The following R3HDM1 variants were observed in gnomAD, a reference collection of about 807,000 sequenced individuals.
R3HDM1 encodes R3H domain-containing protein 1.
R3HDM1 carries 46 observed loss-of-function variants against 141.1 expected under a neutral mutation model. The ratio of observed to expected loss-of-function variants is 0.33; its 90% CI spans 0.26 to 0.42. The LOEUF (loss-of-function observed/expected upper bound fraction) is 0.42. R3HDM1 is among the 10% of genes least tolerant of loss of function. The pLI is 1.00. For synonymous variants in R3HDM1, 435 were observed against 472.9 expected, an observed-to-expected ratio of 0.92 and a Z score of 1.04; for missense variants, 1,184 against 1,368.3, an observed-to-expected ratio of 0.87 and a Z score of 2.12.
intron 19 of R3HDM1, among the ~76,000 whole-genome samples, chr2:135,674,566 A>G (rs558196733): frequency 5.9e-5 from 9 of 152,356 alleles, no homozygotes; most frequent in African/African-American, 2.2e-4. Context: ...CTCTACTTAG[A>G]GCTTATCATT....
chr2:135,703,499 G>C (rs1325038178), intron 21 of R3HDM1, among the ~76,000 whole-genome samples: 1 of 151,926 alleles, frequency 6.6e-6, no homozygotes, highest in South Asian at 2.1e-4. Context: ...ATAATCCCTG[G>C]GCTCACCATT....
chr2:135,573,231 G>A (rs1035656212), intron 1 of R3HDM1, among the ~76,000 whole-genome samples: 1 of 152,146 alleles, frequency 6.6e-6, no homozygotes, highest in Non-Finnish European at 1.5e-5. Context: ...AGTGGTCATC[G>A]ATCTACTGCC....
chr2:135,675,207 A>T, intron 19 of R3HDM1, 125 bp from the exon 20 acceptor site: 1 of 947,316 alleles, frequency 1.1e-6, no homozygotes, highest in Non-Finnish European at 1.5e-6. Flanking sequence ...AGATGGTTTT[A>T]GGGGCTTACC....
chr2:135,585,080 G>T (rs1385638438), intron 1 of R3HDM1, among the ~76,000 whole-genome samples: 1 of 152,188 alleles, frequency 6.6e-6, no homozygotes, highest in Non-Finnish European at 1.5e-5. Flanking sequence ...TGCAGTAAAA[G>T]ATTGTACACT....
At chr2:135,659,162 A>G (rs2066341088) in intron 18 of R3HDM1, among the ~76,000 whole-genome samples, 2 of 151,358 alleles carry the variant, frequency 1.3e-5, no homozygotes, top group African/African-American at 4.9e-5. Context: ...CAATGGCACG[A>G]TCTTGGCTCA....
intron 23 of R3HDM1, among the ~76,000 whole-genome samples, chr2:135,710,802 G>A (rs771762645): frequency 2.0e-5 from 3 of 152,208 alleles, no homozygotes; most frequent in Non-Finnish European, 4.4e-5. Context: ...TTTCCCATAT[G>A]ACTATATATT....
chr2:135,549,929 C>T (rs1424488780), intron 1 of R3HDM1: 1 of 916,258 alleles, frequency 1.1e-6, no homozygotes, highest in East Asian at 1.2e-4. Flanking sequence ...TATGTATTTC[C>T]CTTGACACAA....
Position 135,564,359 on chromosome 2 carries a change from G to T in R3HDM1, c.-250+32726G>T, listed in dbSNP as rs113785793. ...GTTTTTAAGACAGTCTCACTCTGTT[G>T]CCCAGGCGGGAGTGCAGTGGCACCA... On this transcript the variant is annotated intron_variant, in intron 1 of 26. Coordinates refer to ENST00000683871, the MANE Select transcript of R3HDM1 (RefSeq NM_001378107.1). Among the ~76,000 whole-genome samples the T allele has an allele frequency of 1.7e-4, 26 of 152,248 alleles. No individual in the cohort carries two copies. The East Asian group carries it at 2.3e-3, about 14-fold the overall frequency.
chr2:135,536,841 G>T (rs1356688275), intron 1 of R3HDM1: 13 of 454,054 alleles, frequency 2.9e-5, no homozygotes, highest in Non-Finnish European at 3.8e-5. Flanking sequence ...ATCAGCGGTG[G>T]CATTAGATTC....
At chr2:135,659,558 C>T (rs1268083479) in intron 18 of R3HDM1, among the ~76,000 whole-genome samples, 1 of 152,004 alleles carries the variant, frequency 6.6e-6, no homozygotes, top group East Asian at 1.9e-4. Context: ...AATCTCAGCC[C>T]CTGAGTATAC....
intron 2 of R3HDM1, 73 bp downstream of exon 2, chr2:135,602,781 T>G: frequency 7.7e-7 from 1 of 1,298,106 alleles, no homozygotes; most frequent in South Asian, 1.8e-5. Flanking sequence ...AAGAAGCCAG[T>G]GTCTTAAGTA....
At chr2:135,637,442 G>T (rs972441901) in intron 11 of R3HDM1, among the ~76,000 whole-genome samples, 2 of 152,102 alleles carry the variant, frequency 1.3e-5, no homozygotes, top group Non-Finnish European at 2.9e-5. Flanking sequence ...GATCACTTGA[G>T]CTCAGGAGTT....
In R3HDM1 at chr2:135,645,370, ATTT is replaced by A. The variant is rs751881183; in HGVS notation, c.1475-6_1475-4del. ...AAGTTATTTTTTTCCCTCTTTTTGAATTTTTCAGGTCAGCCCTTCATAAACCCA... is the reference window on the plus strand; with the variant it reads ...AAGTTATTTTTTTCCCTCTTTTTGAATTCAGGTCAGCCCTTCATAAACCCA... On this transcript the variant is annotated splice_region_variant and splice_polypyrimidine_tract_variant and intron_variant, in intron 15 of 26. Transcript: ENST00000683871. The A allele has an allele frequency of 6.4e-7, 1 of 1,574,456 alleles. No homozygotes were observed. The highest frequency in any genetic ancestry group is 8.6e-7 in the Non-Finnish European group (1 of 1,156,802).
chr2:135,663,720 A>G (rs2067065782), intron 19 of R3HDM1, among the ~76,000 whole-genome samples: 1 of 152,176 alleles, frequency 6.6e-6, no homozygotes, highest in Non-Finnish European at 1.5e-5. Context: ...GCTCATCATT[A>G]ATTTTTATGT....
chr2:135,575,083 CT>C (rs1705084745), intron 1 of R3HDM1, among the ~76,000 whole-genome samples: 1 of 152,194 alleles, frequency 6.6e-6, no homozygotes, highest in African/African-American at 2.4e-5. Flanking sequence ...AAATTCAAAA[CT>C]TTTTAAGCAG....
At chr2:135,648,537 G>C (rs1211869783) in intron 16 of R3HDM1, among the ~76,000 whole-genome samples, 1 of 152,122 alleles carries the variant, frequency 6.6e-6, no homozygotes, top group Non-Finnish European at 1.5e-5. Flanking sequence ...TTAACTAAGA[G>C]TTTTCATCAA....
Position 135,621,633 on chromosome 2 carries a change from T to A in R3HDM1, c.418+25T>A, listed in dbSNP as rs200880645. The A allele has an allele frequency of 6.6e-3, 9,188 of 1,392,254 alleles. 83 individuals carry two copies. The highest frequency in any genetic ancestry group is 0.032 in the South Asian group (2,041 of 63,044). 86.2% of individuals were successfully genotyped at this position (1,392,254 alleles called of 1,614,324 possible). A position where few individuals can be genotyped will look rare whatever the true frequency, so the allele number is the denominator to read the frequency against. ...GGTTTGCAGTTCTTTTGTTTTTTTT[T>A]AAAAAAAAATTTTGCTATCAGTAAT... is the stretch of plus-strand genomic sequence containing the variant. On this transcript the variant is annotated intron_variant, in intron 6 of 26. Transcript: ENST00000683871.
At position 135,653,286 on chromosome 2, in the gene R3HDM1, A is replaced by G. The variant is rs1471682754; in HGVS notation, c.2028+1254A>G. Among the ~76,000 whole-genome samples the G allele has an allele frequency of 6.6e-5, 10 of 152,080 alleles. 1 individual carries two copies. Among genetic ancestry groups the G allele is most frequent in the Non-Finnish European group, 7.4e-5 (5 of 68,014 alleles). On this transcript the variant is annotated intron_variant, in intron 18 of 26. Coordinates refer to ENST00000683871, the MANE Select transcript of R3HDM1 (RefSeq NM_001378107.1). ...CAGGAGAATCACTTGAACCTGGCACATGCAGCTTGCAGTGAGCTGAGATTG... is the reference window on the plus strand; with the variant it reads ...CAGGAGAATCACTTGAACCTGGCACGTGCAGCTTGCAGTGAGCTGAGATTG...
chr2:135,683,413 G>A (rs2070689524), intron 21 of R3HDM1, among the ~76,000 whole-genome samples: 1 of 151,984 alleles, frequency 6.6e-6, no homozygotes, highest in African/African-American at 2.4e-5. Context: ...AATTAGCCGG[G>A]CGCGGTGGTG....
Sources: allele counts gnomAD v4.1 joint callset (sites outside exome capture counted in the v4.1 genomes callset), GRCh38; gene constraint gnomAD v4.1.1; transcripts MANE v1.5; gene names NCBI Gene and HGNC (gene_info 2026-07-23, HGNC 2026-07-21).